TMTC2: variants seen among roughly 807,000 people sequenced by gnomAD.
TMTC2 encodes the protein transmembrane O-mannosyltransferase targeting cadherins 2.
Under a neutral mutation model 82.4 loss-of-function variants are expected in TMTC2, and 43 were observed. The ratio of observed to expected loss-of-function variants is 0.52; its 90% confidence interval spans 0.41 to 0.67. The LOEUF (loss-of-function observed/expected upper bound fraction) is 0.67. Ranked by LOEUF, TMTC2 falls within the 30% of genes least tolerant of loss-of-function variation. TMTC2 has a pLI of 0.00. For synonymous variants in TMTC2, 408 were observed against 381.9 expected (o/e 1.07, Z -0.80); for missense variants, 919 against 1,012.4 (o/e 0.91, Z 1.25).
At chr12:82,939,959 T>A (rs1368121986) in intron 4 of TMTC2, among the ~76,000 whole-genome samples, 2 of 151,892 alleles carry the variant, frequency 1.3e-5, no homozygotes, top group Non-Finnish European at 2.9e-5. Context: ...GAGCTGACAT[T>A]GTTATACTCT....
At chr12:82,708,078 A>G (rs989829665) in intron 1 of TMTC2, among the ~76,000 whole-genome samples, 2 of 152,124 alleles carry the variant, frequency 1.3e-5, no homozygotes, top group African/African-American at 4.8e-5. Context: ...ACGCCCATTC[A>G]TTTATGTGTT....
At chr12:82,734,727 C>T (rs1420185396) in intron 1 of TMTC2, among the ~76,000 whole-genome samples, 1 of 152,036 alleles carries the variant, frequency 6.6e-6, no homozygotes, top group Non-Finnish European at 1.5e-5. Context: ...GGATGAAGTC[C>T]CTGAGATGCC....
chr12:82,954,366 T>A (rs1036479211), intron 4 of TMTC2, among the ~76,000 whole-genome samples: 1 of 152,180 alleles, frequency 6.6e-6, no homozygotes, highest in Admixed American at 6.5e-5. Context: ...CATTTTATCA[T>A]GACCCTCTCT....
intron 11 of TMTC2, among the ~76,000 whole-genome samples, chr12:83,097,120 T>A (rs1884055241): frequency 6.6e-6 from 1 of 152,214 alleles, no homozygotes; most frequent in South Asian, 2.1e-4. Flanking sequence ...AGCTAGATGA[T>A]CTGCCTGAAA....
intron 1 of TMTC2, among the ~76,000 whole-genome samples, chr12:82,696,870 A>C (rs1456832025): frequency 2.6e-5 from 4 of 151,718 alleles, no homozygotes; most frequent in Admixed American, 1.3e-4. Flanking sequence ...GTGCAGTTCA[A>C]ATTCAAATTC....
At chr12:82,695,687 A>T (rs1872754682) in intron 1 of TMTC2, among the ~76,000 whole-genome samples, 1 of 152,230 alleles carries the variant, frequency 6.6e-6, no homozygotes, top group Non-Finnish European at 1.5e-5. Context: ...ACTGGTTGTC[A>T]GTGCATGTAG....
At position 82,760,182 on chromosome 12, in the gene TMTC2, T is replaced by G. The variant is rs201941480; in HGVS notation, c.83+72513T>G. 6.2e-4 allele frequency: 9 copies of G among 14,628 alleles called. No individual in the cohort carries two copies. The South Asian group carries it at 0.088, about 143-fold the overall frequency. The allele number at this position is 14,628 out of a possible 1,614,324, so 0.9% of individuals were successfully genotyped here. On this transcript the variant is annotated intron_variant, in intron 1 of 11. Coordinates refer to ENST00000321196, the MANE Select transcript of TMTC2 (RefSeq NM_152588.3). ...ACTTACATAAAGAAAATAATTGGGG[T>G]TATTTTTTTGTATTATTATTTTAAA...
At chr12:82,912,557 AG>A (rs1411122016) in intron 3 of TMTC2, among the ~76,000 whole-genome samples, 2 of 152,200 alleles carry the variant, frequency 1.3e-5, no homozygotes, top group Non-Finnish European at 1.5e-5. Context: ...TTTGCAAACA[AG>A]TTTTGATGGT....
intron 9 of TMTC2, among the ~76,000 whole-genome samples, chr12:83,039,022 C>A (rs1410321421): frequency 2.0e-5 from 3 of 151,394 alleles, no homozygotes; most frequent in Admixed American, 6.6e-5. Flanking sequence ...ACCTCTGCCC[C>A]CCGGGTTCAA....
intron 10 of TMTC2, among the ~76,000 whole-genome samples, chr12:83,057,331 T>C (rs1006399209): frequency 1.3e-5 from 2 of 151,954 alleles, no homozygotes; most frequent in Non-Finnish European, 2.9e-5. Context: ...TTTCTTCTTA[T>C]TGCTACACTT....
intron 1 of TMTC2, among the ~76,000 whole-genome samples, chr12:82,847,353 TCTAGAATTTTCCAA>T (rs1285866583): frequency 1.3e-5 from 2 of 152,128 alleles, no homozygotes; most frequent in Middle Eastern, 3.2e-3. Context: ...CTTAAAACAA[TCTAGAATTTTCCAA>T]AACGGTAAAT....
At position 83,078,677 on chromosome 12, in the gene TMTC2, A is replaced by G. The variant is rs374532787; in HGVS notation, c.2331+16846A>G. Among the ~76,000 whole-genome samples the G allele has an allele frequency of 7.9e-4, 120 of 152,318 alleles. 2 individuals are homozygous for G. The South Asian group carries it at 0.023, about 29-fold the overall frequency. ...AGAGAATTCAGTTTCTTAACTATATATAATTCTATGTTTTAAGTATTCTTA... is the reference window on the plus strand; with the variant it reads ...AGAGAATTCAGTTTCTTAACTATATGTAATTCTATGTTTTAAGTATTCTTA... On this transcript the variant is annotated intron_variant, in intron 11 of 11. Transcript: ENST00000321196.
chr12:83,050,386 A>C (rs1882300993), intron 9 of TMTC2, among the ~76,000 whole-genome samples: 1 of 152,198 alleles, frequency 6.6e-6, no homozygotes, highest in Non-Finnish European at 1.5e-5. Flanking sequence ...CAGTAATTCT[A>C]ACCTTGTAAA....
At chr12:82,851,915 AG>A in intron 1 of TMTC2, among the ~76,000 whole-genome samples, 2 of 151,720 alleles carry the variant, frequency 1.3e-5, no homozygotes, top group African/African-American at 4.8e-5. Flanking sequence ...AAAAAAAAAA[AG>A]CTGTGAGAGA....
At chr12:83,042,073 G>A (rs776729374) in intron 9 of TMTC2, among the ~76,000 whole-genome samples, 2 of 152,166 alleles carry the variant, frequency 1.3e-5, no homozygotes, top group African/African-American at 2.4e-5. Flanking sequence ...CAAAGCTTGT[G>A]TGCCCTGCTA....
chr12:83,089,064 C>A (rs544708404), intron 11 of TMTC2, among the ~76,000 whole-genome samples: 1 of 152,142 alleles, frequency 6.6e-6, no homozygotes, highest in African/African-American at 2.4e-5. Flanking sequence ...TAAATAAGCA[C>A]CTTTATAAAC....
intron 1 of TMTC2, among the ~76,000 whole-genome samples, chr12:82,726,467 C>A (rs916633401): frequency 2.0e-4 from 31 of 151,994 alleles, no homozygotes; most frequent in African/African-American, 6.8e-4. Flanking sequence ...CATATACTTT[C>A]TCCACCAGAG....
intron 1 of TMTC2, among the ~76,000 whole-genome samples, chr12:82,779,621 G>T (rs1277213374): frequency 6.6e-6 from 1 of 152,118 alleles, no homozygotes; most frequent in African/African-American, 2.4e-5. Flanking sequence ...GTTCTAGGCT[G>T]GGTGTGGTGG....
intron 11 of TMTC2, among the ~76,000 whole-genome samples, chr12:83,115,598 A>T (rs568404362): frequency 9.9e-5 from 15 of 152,142 alleles, no homozygotes; most frequent in South Asian, 2.1e-4. Flanking sequence ...ATATTATAAA[A>T]ACTGAGTGAA....
Sources: allele counts gnomAD v4.1 joint callset (sites outside exome capture counted in the v4.1 genomes callset), GRCh38; gene constraint gnomAD v4.1.1; transcripts MANE v1.5; gene names NCBI Gene and HGNC (gene_info 2026-07-23, HGNC 2026-07-21).